The following ANXA4 variants were observed in gnomAD, a reference collection of about 807,000 sequenced individuals.
ANXA4 encodes 35-beta calcimedin.
A neutral mutation model predicts 49.8 loss-of-function variants in ANXA4; 39 were observed. The observed-to-expected ratio is 0.78, with a 90% CI of 0.61 to 1.02. The LOEUF (loss-of-function observed/expected upper bound fraction) is 1.02, where lower values mean the gene tolerates loss of function less well. Among genes scored for constraint, ANXA4 ranks in the 50% least tolerant of loss-of-function variants. The pLI is 0.00. For synonymous variants in ANXA4, 134 were observed against 152.5 expected, an observed-to-expected ratio of 0.88 and a Z score of 0.89; for missense variants, 360 against 410.1, an observed-to-expected ratio of 0.88 and a Z score of 1.05.
intron 1 of ANXA4, among the ~76,000 whole-genome samples, chr2:69,749,261 G>A (rs948241077): frequency 6.6e-6 from 1 of 152,146 alleles, no homozygotes; most frequent in African/African-American, 2.4e-5. Flanking sequence ...AGGGGTAATG[G>A]TTTCCTTTTT....
Position 69,804,538 on chromosome 2 carries a change from G to A in ANXA4, c.103G>A (p.Asp35Asn), listed in dbSNP as rs34807725. ...TGTCTCCCTTCTTCCCCCAGGCACCGATGAAGACGCCATTATTAGCGTCCT... is the reference window on the plus strand; with the variant it reads ...TGTCTCCCTTCTTCCCCCAGGCACCAATGAAGACGCCATTATTAGCGTCCT... ...LRKAMKGLGTDEDAIISVLAY... is the reference protein window; with the variant it reads ...LRKAMKGLGTNEDAIISVLAY... Residue 35 changes from aspartate to asparagine, a missense_variant, in exon 4 of 13, where the codon GAT becomes AAT. Physicochemically the swap from Asp to Asn is conservative, Grantham distance 23. Transcript: ENST00000394295. The A allele has an allele frequency of 2.0e-5, 33 of 1,613,394 alleles. No homozygotes were observed. Among genetic ancestry groups the A allele is most frequent in the African/African-American group, 6.7e-5 (5 of 74,862 alleles).
intron 3 of ANXA4, among the ~76,000 whole-genome samples, chr2:69,735,433 G>A (rs573827294): frequency 1.3e-5 from 2 of 152,120 alleles, no homozygotes; most frequent in African/African-American, 2.4e-5. Context: ...AAAATCTATC[G>A]ACTTAGGGTG....
intron 2 of ANXA4, among the ~76,000 whole-genome samples, chr2:69,710,677 T>G (rs180940928): frequency 1.3e-5 from 2 of 152,120 alleles, no homozygotes; most frequent in African/African-American, 4.8e-5. Flanking sequence ...CCAAAGAAGA[T>G]CTACTTAAGG....
At chr2:69,716,654 A>T (rs996726839) in intron 2 of ANXA4, among the ~76,000 whole-genome samples, 1 of 152,116 alleles carries the variant, frequency 6.6e-6, no homozygotes, top group Non-Finnish European at 1.5e-5. Context: ...GGTCTGAGAG[A>T]CAGCACAACA....
upstream of ANXA4, among the ~76,000 whole-genome samples, chr2:69,740,687 T>TC (rs1670365868): frequency 7.3e-6 from 1 of 137,524 alleles, no homozygotes; most frequent in Non-Finnish European, 1.6e-5. Context: ...CCTCTTTTTT[T>TC]TTTTTTTTTT....
intron 6 of ANXA4, chr2:69,808,352 G>T: frequency 4.3e-6 from 1 of 230,644 alleles, no homozygotes; most frequent in East Asian, 1.2e-4. Context: ...GGGGCCGTCT[G>T]GCCCAAATTC....
chr2:69,753,793 A>C (rs368988858), intron 1 of ANXA4, among the ~76,000 whole-genome samples: 148 of 152,366 alleles, frequency 9.7e-4, no homozygotes, highest in African/African-American at 3.4e-3. Context: ...CCAATCTCCA[A>C]ACAGAAAGAA....
At chr2:69,815,808 G>A (rs1673962330) in intron 8 of ANXA4, 1 of 338,408 alleles carries the variant, frequency 3.0e-6, no homozygotes, top group Admixed American at 4.2e-5. Context: ...GGCAACTGTA[G>A]GGGACAGCCC....
intron 1 of ANXA4, among the ~76,000 whole-genome samples, chr2:69,756,325 AG>A (rs1260610906): frequency 6.6e-6 from 1 of 152,238 alleles, no homozygotes; most frequent in Non-Finnish European, 1.5e-5. Flanking sequence ...GTTTAGTAGC[AG>A]GGGAAGATGA....
chr2:69,812,196 C>G (rs1417729866), intron 7 of ANXA4, among the ~76,000 whole-genome samples: 1 of 151,086 alleles, frequency 6.6e-6, no homozygotes, highest in African/African-American at 2.4e-5. Flanking sequence ...GCCATCTTAG[C>G]TCACTGCCTT....
intron 1 of ANXA4, among the ~76,000 whole-genome samples, chr2:69,760,084 G>A (rs1271842276): frequency 9.2e-5 from 14 of 152,002 alleles, no homozygotes; most frequent in Non-Finnish European, 2.9e-5. Flanking sequence ...CACCCGCCTC[G>A]GCCTCCCAAA....
chr2:69,767,984 A>G (rs1671562765), intron 1 of ANXA4, among the ~76,000 whole-genome samples: 1 of 152,022 alleles, frequency 6.6e-6, no homozygotes, highest in Admixed American at 6.6e-5. Flanking sequence ...ATGTACACAT[A>G]TATAATATTC....
chr2:69,645,616 A>G (rs1224875106), intron 1 of ANXA4, among the ~76,000 whole-genome samples: 1 of 152,242 alleles, frequency 6.6e-6, no homozygotes, highest in Non-Finnish European at 1.5e-5. Flanking sequence ...AGGCTTACAC[A>G]AATCTCAAGT....
At position 69,757,258 on chromosome 2, in the gene ANXA4, ATATATATATTTT is replaced by A. The variant is rs1450770196; in HGVS notation, c.-47+15085_-47+15096del. Among the ~76,000 whole-genome samples the A allele has an allele frequency of 7.8e-3, 334 of 42,780 alleles. 1 individual carries two copies. The highest frequency in any genetic ancestry group is 0.029 in the East Asian group (24 of 838). The allele number at this position is 42,780 out of a possible 152,430, so 28.1% of individuals were successfully genotyped here. On this transcript the variant is annotated intron_variant, in intron 1 of 12. Transcript: ENST00000394295. ...TTGTTTTATATATATATATATATAT[ATATATATATTTT>A]TTTTTTTTTTTTTTTTTTTAGGTGG...
chr2:69,697,083 A>C (rs927265431), intron 2 of ANXA4, among the ~76,000 whole-genome samples: 1 of 152,238 alleles, frequency 6.6e-6, no homozygotes, highest in African/African-American at 2.4e-5. Context: ...ACTTCTCTCT[A>C]GCTACGAAAG....
Position 69,679,177 on chromosome 2 carries a change from C to T in ANXA4, n.766+25895C>T, listed in dbSNP as rs374420530. Among the ~76,000 whole-genome samples, 5 of 152,206 alleles carry T rather than the reference C, an allele frequency of 3.3e-5. 1 individual carries two copies. Among genetic ancestry groups the T allele is most frequent in the Admixed American group, 2.0e-4 (3 of 15,272 alleles). ...TTTGAGACAAAGTCTCACTCTGTTG[C>T]CCAGACTGTGGCACAGTGGCATGAT... is the stretch of plus-strand genomic sequence containing the variant. On this transcript the variant is annotated intron_variant and non_coding_transcript_variant, in intron 2 of 3. Coordinates refer to the ANXA4 transcript ENST00000418066.
intron 1 of ANXA4, among the ~76,000 whole-genome samples, chr2:69,757,283 T>A (rs1430679590): frequency 8.1e-6 from 1 of 122,828 alleles, no homozygotes; most frequent in African/African-American, 3.3e-5. Flanking sequence ...TTTTTTTTTT[T>A]TTTTTTAGGT....
intron 1 of ANXA4, among the ~76,000 whole-genome samples, chr2:69,647,895 TAGAC>T (rs1296765000): frequency 6.6e-6 from 1 of 152,230 alleles, no homozygotes. Flanking sequence ...GCCTACAAAG[TAGAC>T]AGTATTATCT....
chr2:69,782,189 C>T (rs759103682), intron 2 of ANXA4, among the ~76,000 whole-genome samples: 8 of 152,156 alleles, frequency 5.3e-5, no homozygotes, highest in South Asian at 4.1e-4. Context: ...TGCCCAAATA[C>T]GGTTTCTGAA....
Sources: allele counts gnomAD v4.1 joint callset (sites outside exome capture counted in the v4.1 genomes callset), GRCh38; gene constraint gnomAD v4.1.1; transcripts MANE v1.5; gene names NCBI Gene and HGNC (gene_info 2026-07-23, HGNC 2026-07-21).